The following TSHZ2 variants were observed in gnomAD, a reference collection of about 807,000 sequenced individuals.
TSHZ2 encodes the protein teashirt homolog 2.
TSHZ2 carries 21 observed loss-of-function variants against 74.4 expected under a neutral mutation model. The ratio of observed to expected loss-of-function variants is 0.28; its 90% CI spans 0.20 to 0.41. The LOEUF is 0.41. TSHZ2 is among the 10% of genes least tolerant of loss of function. The probability of loss-of-function intolerance (pLI) is 1.00; values close to 1 mark genes in which losing one functional copy is unlikely to be tolerated. For missense variants in TSHZ2, 1,244 were observed against 1,293.5 expected, an observed-to-expected ratio of 0.96 and a Z score of 0.59; for synonymous variants, 540 against 515.3, an observed-to-expected ratio of 1.05 and a Z score of -0.65.
At chr20:53,372,831 T>G (rs930552291) in intron 2 of TSHZ2, among the ~76,000 whole-genome samples, 1 of 152,238 alleles carries the variant, frequency 6.6e-6, no homozygotes, top group African/African-American at 2.4e-5. Flanking sequence ...ACTTTAAGCT[T>G]CATTGAACCT....
chr20:53,172,116 T>A (rs1042842410), intron 1 of TSHZ2, among the ~76,000 whole-genome samples: 7 of 152,190 alleles, frequency 4.6e-5, no homozygotes, highest in Admixed American at 1.3e-4. Context: ...AACAAGAGGG[T>A]CATTTTAGAT....
intron 1 of TSHZ2, among the ~76,000 whole-genome samples, chr20:53,006,037 G>T (rs1982632559): frequency 6.6e-6 from 1 of 152,120 alleles, no homozygotes. Context: ...ACGTACATGT[G>T]TGCACTCAAA....
chr20:53,001,231 T>C (rs1982419498), intron 1 of TSHZ2, among the ~76,000 whole-genome samples: 1 of 121,658 alleles, frequency 8.2e-6, no homozygotes, highest in East Asian at 2.0e-4. Flanking sequence ...TGTGTGTGTG[T>C]GTGTGTGTGT....
chr20:53,149,386 C>T (rs1390056247), intron 1 of TSHZ2, among the ~76,000 whole-genome samples: 2 of 152,000 alleles, frequency 1.3e-5, no homozygotes, highest in Non-Finnish European at 2.9e-5. Context: ...CCAAAGAAAG[C>T]TGTGTGTAAT....
At chr20:53,212,957 T>G (rs1032280918) in intron 1 of TSHZ2, among the ~76,000 whole-genome samples, 64 of 152,268 alleles carry the variant, frequency 4.2e-4, no homozygotes, top group African/African-American at 1.5e-3. Context: ...TGACTTCTCC[T>G]GAATCCTGTG....
chr20:53,315,039 TC>T (rs1311019387), intron 2 of TSHZ2, among the ~76,000 whole-genome samples: 1 of 152,232 alleles, frequency 6.6e-6, no homozygotes, highest in Non-Finnish European at 1.5e-5. Flanking sequence ...GTTTTATTGG[TC>T]AAGTCACAAC....
chr20:53,332,719 T>A (rs1386873679), intron 2 of TSHZ2, among the ~76,000 whole-genome samples: 2 of 152,174 alleles, frequency 1.3e-5, no homozygotes, highest in Non-Finnish European at 2.9e-5. Context: ...GTGTACCAAC[T>A]TTTTCCTTTT....
At chr20:52,995,763 C>T (rs768517987) in intron 1 of TSHZ2, among the ~76,000 whole-genome samples, 9 of 151,376 alleles carry the variant, frequency 5.9e-5, no homozygotes, top group Non-Finnish European at 1.3e-4. Context: ...CAGGCATACG[C>T]CTCCATACCT....
chr20:53,085,096 C>T lies in TSHZ2; in HGVS notation c.40+111763C>T, dbSNP rs149210759. On this transcript the variant is annotated intron_variant, in intron 1 of 2. Transcript: ENST00000371497. ...AAAATAGATGCTGGGTGTGGTGGCT[C>T]ACGACTGTAATCCCAATACTTTGGG... Among the ~76,000 whole-genome samples, 156 of 151,938 alleles carry T rather than the reference C, an allele frequency of 1.0e-3. 1 individual carries two copies. The South Asian group carries it at 0.031, about 31-fold the overall frequency.
intron 2 of TSHZ2, among the ~76,000 whole-genome samples, chr20:53,462,452 C>T (rs1015728086): frequency 2.6e-5 from 4 of 152,174 alleles, no homozygotes; most frequent in African/African-American, 4.8e-5. Flanking sequence ...ACAACACTGG[C>T]CTCCACGCTG....
intron 1 of TSHZ2, among the ~76,000 whole-genome samples, chr20:53,151,374 C>T (rs773480093): frequency 1.3e-5 from 2 of 152,176 alleles, no homozygotes; most frequent in African/African-American, 4.8e-5. Flanking sequence ...ACTAGTCTTT[C>T]CTAGCTGGGA....
chr20:53,238,556 A>G (rs1418856445), intron 1 of TSHZ2, among the ~76,000 whole-genome samples: 1 of 152,202 alleles, frequency 6.6e-6, no homozygotes, highest in Non-Finnish European at 1.5e-5. Flanking sequence ...ATGGGAAAGA[A>G]GAGAGAAAGT....
At chr20:53,119,055 C>T (rs1175660791) in intron 1 of TSHZ2, among the ~76,000 whole-genome samples, 2 of 151,982 alleles carry the variant, frequency 1.3e-5, no homozygotes, top group Admixed American at 6.5e-5. Flanking sequence ...TGGAGCTAAA[C>T]GATTCATGAG....
At chr20:53,381,203 C>T (rs1193444962) in intron 2 of TSHZ2, among the ~76,000 whole-genome samples, 1 of 152,192 alleles carries the variant, frequency 6.6e-6, no homozygotes, top group Non-Finnish European at 1.5e-5. Flanking sequence ...TTAATTACTG[C>T]TAGTTTTCTA....
intron 1 of TSHZ2, among the ~76,000 whole-genome samples, chr20:53,109,509 A>G (rs1038660354): frequency 3.3e-5 from 5 of 151,974 alleles, no homozygotes; most frequent in African/African-American, 1.2e-4. Flanking sequence ...GCTTTGGCCA[A>G]CCCTAGCTGG....
At chr20:53,019,539 A>G (rs902126128) in intron 1 of TSHZ2, among the ~76,000 whole-genome samples, 2 of 152,100 alleles carry the variant, frequency 1.3e-5, no homozygotes, top group African/African-American at 4.8e-5. Context: ...CTGTTGTTGA[A>G]TGTCCAGAGG....
intron 2 of TSHZ2, among the ~76,000 whole-genome samples, chr20:53,383,253 A>G (rs1305150689): frequency 1.4e-5 from 2 of 146,208 alleles, no homozygotes; most frequent in Non-Finnish European, 3.0e-5. Context: ...ACAAAGAGAA[A>G]CTCTGTCTCA....
rs927439998 is a variant in TSHZ2 at position 53,491,069 on chromosome 20, A to C, written c.*3934A>C. On this transcript the variant is annotated 3_prime_UTR_variant, in exon 3 of 3. Coordinates refer to ENST00000371497, the MANE Select transcript of TSHZ2 (RefSeq NM_173485.6). ...CTTGTTAAATGCTTTTGTTTAAAAA[A>C]AAAAAAAAAACCCCAAATGTCATTT... is the stretch of plus-strand genomic sequence containing the variant. 3.2e-4 allele frequency: 45 copies of C among 139,308 alleles called. No individual in the cohort carries two copies. Among genetic ancestry groups the C allele is most frequent in the African/African-American group, 1.2e-3 (45 of 37,126 alleles). 8.6% of individuals were successfully genotyped at this position (139,308 alleles called of 1,614,324 possible). A position where few individuals can be genotyped will look rare whatever the true frequency, so the allele number is the denominator to read the frequency against.
chr20:53,112,460 T>C (rs1327555867), intron 1 of TSHZ2, among the ~76,000 whole-genome samples: 1 of 152,206 alleles, frequency 6.6e-6, no homozygotes, highest in Non-Finnish European at 1.5e-5. Context: ...TTTTCTATCC[T>C]TCCTTCCAAT....
Sources: allele counts gnomAD v4.1 joint callset (sites outside exome capture counted in the v4.1 genomes callset), GRCh38; gene constraint gnomAD v4.1.1; transcripts MANE v1.5; gene names NCBI Gene and HGNC (gene_info 2026-07-23, HGNC 2026-07-21).